Variants in STAB2 observed in about 807,000 individuals in gnomAD.
The protein encoded by STAB2 is stabilin 2, also known as stabilin-2.
Under a neutral mutation model 338.1 loss-of-function variants are expected in STAB2, and 288 were observed. The ratio of observed to expected loss-of-function variants is 0.85; its 90% CI spans 0.77 to 0.94. STAB2 has a LOEUF of 0.94. STAB2 is among the 40% of genes least tolerant of loss of function. The pLI, the probability that STAB2 is intolerant of heterozygous loss-of-function variation, is 0.00. For missense variants in STAB2, 3,141 were observed against 3,210.1 expected (o/e 0.98, Z 0.52); for synonymous variants, 1,202 against 1,193.3 (o/e 1.01, Z -0.15).
chr12:103,669,436 A>G lies in STAB2; in HGVS notation c.2173-105A>G, dbSNP rs983876883. 1.4e-5 allele frequency: 14 copies of G among 971,858 alleles called. No homozygotes were observed. The Admixed American group carries it at 1.8e-4, about 13-fold the overall frequency. The allele number at this position is 971,858 out of a possible 1,614,324, so 60.2% of individuals were successfully genotyped here. On this transcript the variant is annotated intron_variant, in intron 20 of 68. Coordinates refer to ENST00000388887, the MANE Select transcript of STAB2 (RefSeq NM_017564.10). Reference sequence around the variant, plus strand: ...AAGAAAAGGGCAACCTCATAAGGAGAGGCGAATATGGCTTAGTATAATAAT... The same window carrying G: ...AAGAAAAGGGCAACCTCATAAGGAGGGGCGAATATGGCTTAGTATAATAAT...
At chr12:103,724,670 G>A (rs942562490) in intron 44 of STAB2, among the ~76,000 whole-genome samples, 1 of 152,122 alleles carries the variant, frequency 6.6e-6, no homozygotes. Context: ...AACAGGTGGG[G>A]TCTTCCTAGT....
rs1362507760 is a variant in STAB2 at position 103,692,886 on chromosome 12, C to A, written c.3372C>A (p.Asn1124Lys). The A allele has an allele frequency of 6.2e-7, 1 of 1,612,380 alleles. No homozygotes were observed. The highest frequency in any genetic ancestry group is 1.7e-4 in the Middle Eastern group (1 of 6,054). Reference sequence around the variant, plus strand: ...CAAATGGAGTGATACACATCATCAACAAGGTACAAGATTCCATTCTCCTGT... The same window carrying A: ...CAAATGGAGTGATACACATCATCAAAAAGGTACAAGATTCCATTCTCCTGT... ...AATNGVIHII[N>K]KVLVPQRRLT... Residue 1124 changes from asparagine (N) to lysine (K), a missense_variant, in exon 31 of 69, where the codon AAC (asparagine) becomes AAA (lysine). By Grantham distance (94) the Asn-to-Lys change is moderately conservative. Coordinates refer to ENST00000388887, the MANE Select transcript of STAB2 (RefSeq NM_017564.10).
At chr12:103,750,942 A>G (rs1337839033) in intron 60 of STAB2, among the ~76,000 whole-genome samples, 2 of 152,206 alleles carry the variant, frequency 1.3e-5, no homozygotes, top group Non-Finnish European at 2.9e-5. Flanking sequence ...AATACAAAAA[A>G]TCAGCCGGTT....
In STAB2 at chr12:103,594,431, C is replaced by T; in HGVS notation, c.252C>T (p.Leu84=). The T allele has an allele frequency of 6.2e-7, 1 of 1,613,946 alleles. No individual in the cohort carries two copies. Among genetic ancestry groups the T allele is most frequent in the Non-Finnish European group, 8.5e-7 (1 of 1,179,866 alleles). ...AGGTCAGAACATACTCTCTGTCTCT[C>T]CCCGGATGCCGCCATATTTGTAGGA... ...TFEVRTYSLS[L]PGCRHICRKD... Residue 84 remains leucine, a synonymous_variant, in exon 3 of 69, where the codon CTC becomes CTT. Coordinates refer to ENST00000388887, the MANE Select transcript of STAB2 (RefSeq NM_017564.10).
At chr12:103,646,146 C>G (rs1873313393) in intron 9 of STAB2, among the ~76,000 whole-genome samples, 1 of 152,134 alleles carries the variant, frequency 6.6e-6, no homozygotes, top group African/African-American at 2.4e-5. Flanking sequence ...GCACTCCAGC[C>G]TGGGCAACAA....
At chr12:103,598,332 T>C (rs932359775) in intron 3 of STAB2, among the ~76,000 whole-genome samples, 2 of 152,336 alleles carry the variant, frequency 1.3e-5, no homozygotes, top group East Asian at 3.9e-4. Context: ...AAGTGTATTA[T>C]CTTCCTTTAA....
chr12:103,713,283 T>A (rs879747323), intron 41 of STAB2, among the ~76,000 whole-genome samples: 1 of 152,214 alleles, frequency 6.6e-6, no homozygotes, highest in Non-Finnish European at 1.5e-5. Flanking sequence ...GTCATTTTTC[T>A]CTTGAGCACT....
At chr12:103,716,261 G>A (rs1259198679) in intron 43 of STAB2, among the ~76,000 whole-genome samples, 1 of 152,196 alleles carries the variant, frequency 6.6e-6, no homozygotes, top group Non-Finnish European at 1.5e-5. Context: ...CATGGTGGAA[G>A]ATAATACTGT....
chr12:103,626,735 C>T (rs1184912627), intron 5 of STAB2, among the ~76,000 whole-genome samples: 1 of 152,164 alleles, frequency 6.6e-6, no homozygotes, highest in Non-Finnish European at 1.5e-5. Flanking sequence ...CGGGAGGTGG[C>T]CATTCTGCCT....
intron 18 of STAB2, among the ~76,000 whole-genome samples, chr12:103,663,406 G>C (rs1874792995): frequency 1.4e-5 from 1 of 72,160 alleles, no homozygotes; most frequent in South Asian, 9.2e-4. Context: ...TGGATTCTGG[G>C]GGCTCCAACA....
chr12:103,695,826 G>A lies in STAB2; in HGVS notation c.3564G>A (p.Glu1188=). The change falls in exon 33 of 69, where the codon GAG becomes GAA. Residue 1188 remains glutamate, a synonymous_variant. Transcript: ENST00000388887. ...ATGCCATCGAGAATTACATCAGGGA[G>A]AAGAAAGTCTTGTCTCTAGTAAGTG... is the stretch of plus-strand genomic sequence containing the variant. ...NNNAIENYIR[E]KKVLSLEEDV... 6.2e-7 allele frequency: 1 copy of A among 1,614,162 alleles called. No homozygotes were observed. The highest frequency in any genetic ancestry group is 8.5e-7 in the Non-Finnish European group (1 of 1,180,010).
intron 42 of STAB2, 118 bp downstream of exon 42, chr12:103,713,886 G>A: frequency 6.7e-7 from 1 of 1,498,126 alleles, no homozygotes; most frequent in Admixed American, 1.8e-5. Flanking sequence ...TATTCCATTT[G>A]CCAGGGCAGG....
In STAB2 at chr12:103,668,941, C is replaced by T; in HGVS notation, c.2172+212C>T. On this transcript the variant is annotated intron_variant, in intron 20 of 68. Coordinates refer to ENST00000388887, the MANE Select transcript of STAB2 (RefSeq NM_017564.10). ...CCCATGGTTCCCTACCCTCTTAACA[C>T]AGATCACACTCTTAACACTTCCCCA... The T allele has an allele frequency of 5.8e-6, 3 of 517,664 alleles. 1 individual carries two copies. Among genetic ancestry groups the T allele is most frequent in the South Asian group, 5.2e-5 (2 of 38,176 alleles). The allele number at this position is 517,664 out of a possible 1,614,324, so 32.1% of individuals were successfully genotyped here. A position where few individuals can be genotyped will look rare whatever the true frequency, so the allele number is the denominator to read the frequency against.
At chr12:103,748,929 G>A (rs1178908024) in intron 58 of STAB2, 34 bp from the exon 59 acceptor site, 1 of 1,591,994 alleles carries the variant, frequency 6.3e-7, no homozygotes, top group East Asian at 2.2e-5. Context: ...CACAGAAGGT[G>A]GTAAGTTGAG....
chr12:103,647,654 G>A (rs530399095), intron 9 of STAB2, among the ~76,000 whole-genome samples: 1 of 152,292 alleles, frequency 6.6e-6, no homozygotes, highest in Admixed American at 6.5e-5. Context: ...TTCACAAGAG[G>A]GTTAGCATCA....
intron 55 of STAB2, among the ~76,000 whole-genome samples, chr12:103,742,095 C>A (rs1882629970): frequency 6.6e-6 from 1 of 152,200 alleles, no homozygotes; most frequent in South Asian, 2.1e-4. Flanking sequence ...TTATTATCAT[C>A]ATCATTTAGA....
At chr12:103,595,970 G>T (rs1956869369) in intron 3 of STAB2, among the ~76,000 whole-genome samples, 1 of 152,156 alleles carries the variant, frequency 6.6e-6, no homozygotes, top group Non-Finnish European at 1.5e-5. Flanking sequence ...AAGGTTTGGG[G>T]TTCAAGAGAT....
chr12:103,603,572 A>G (rs1956985245), intron 3 of STAB2, among the ~76,000 whole-genome samples: 1 of 152,180 alleles, frequency 6.6e-6, no homozygotes, highest in South Asian at 2.1e-4. Context: ...CCACTGATGT[A>G]TATGTCTATC....
intron 65 of STAB2, among the ~76,000 whole-genome samples, chr12:103,759,648 C>G (rs1421956534): frequency 6.6e-6 from 1 of 151,896 alleles, no homozygotes; most frequent in African/African-American, 2.4e-5. Flanking sequence ...AACAAGTTAT[C>G]CAGCTTCCCT....
Sources: allele counts gnomAD v4.1 joint callset (sites outside exome capture counted in the v4.1 genomes callset), GRCh38; gene constraint gnomAD v4.1.1; transcripts MANE v1.5; gene names NCBI Gene and HGNC (gene_info 2026-07-23, HGNC 2026-07-21).